Variants in IGSF11 observed in about 807,000 individuals in gnomAD.
IGSF11 encodes immunoglobulin superfamily member 11.
Under a neutral mutation model 41.0 loss-of-function variants are expected in IGSF11, and 22 were observed. That is an observed-to-expected ratio of 0.54 (90% CI 0.38 to 0.77). The LOEUF (loss-of-function observed/expected upper bound fraction) is 0.77. Among genes scored for constraint, IGSF11 ranks in the 30% least tolerant of loss-of-function variants. The pLI is 0.00. For synonymous variants in IGSF11, 219 were observed against 201.3 expected (o/e 1.09, Z -0.74); for missense variants, 444 against 530.8 (o/e 0.84, Z 1.61).
intron 1 of IGSF11, among the ~76,000 whole-genome samples, chr3:119,111,811 A>C (rs1188535734): frequency 6.6e-6 from 1 of 152,162 alleles, no homozygotes; most frequent in Non-Finnish European, 1.5e-5. Flanking sequence ...CTTCTAACAG[A>C]CAGGACCCTC....
chr3:118,939,363 G>A (rs1943509857), intron 1 of IGSF11, among the ~76,000 whole-genome samples: 1 of 152,032 alleles, frequency 6.6e-6, no homozygotes, highest in Admixed American at 6.6e-5. Context: ...ATCACCTGAG[G>A]TCAGGAGTTC....
chr3:119,055,103 C>G (rs1318078617), intron 1 of IGSF11, among the ~76,000 whole-genome samples: 1 of 152,188 alleles, frequency 6.6e-6, no homozygotes, highest in Non-Finnish European at 1.5e-5. Flanking sequence ...TCCAACAGAC[C>G]TGCAGCTGAG....
intron 1 of IGSF11, among the ~76,000 whole-genome samples, chr3:119,111,061 T>A (rs886948535): frequency 1.3e-5 from 2 of 152,058 alleles, no homozygotes; most frequent in Non-Finnish European, 1.5e-5. Flanking sequence ...ATCTGACAAT[T>A]ATGTGTCTTG....
chr3:118,951,293 T>C (rs1030695872), intron 1 of IGSF11, among the ~76,000 whole-genome samples: 3 of 152,212 alleles, frequency 2.0e-5, no homozygotes, highest in Non-Finnish European at 2.9e-5. Flanking sequence ...TGGTGATTCA[T>C]AGACCAAAGC....
At chr3:119,057,616 A>G (rs1941897782) in intron 1 of IGSF11, among the ~76,000 whole-genome samples, 2 of 152,234 alleles carry the variant, frequency 1.3e-5, no homozygotes, top group Admixed American at 1.3e-4. Context: ...GAATTGGAAA[A>G]AACTACTTTA....
At chr3:119,098,283 A>G (rs143205215) in intron 1 of IGSF11, among the ~76,000 whole-genome samples, 2 of 152,236 alleles carry the variant, frequency 1.3e-5, no homozygotes, top group African/African-American at 4.8e-5. Context: ...AAATGGGAAT[A>G]CTAATTCTTT....
intron 1 of IGSF11, among the ~76,000 whole-genome samples, chr3:118,930,961 C>T (rs910201790): frequency 6.6e-6 from 1 of 152,072 alleles, no homozygotes; most frequent in African/African-American, 2.4e-5. Flanking sequence ...TTCACACTAC[C>T]CAATTTTAAA....
At chr3:119,078,272 A>G (rs1190707429) in intron 1 of IGSF11, among the ~76,000 whole-genome samples, 1 of 152,248 alleles carries the variant, frequency 6.6e-6, no homozygotes, top group Non-Finnish European at 1.5e-5. Flanking sequence ...GTACTATACT[A>G]CAAGGATACA....
At chr3:119,093,436 T>G in intron 1 of IGSF11, among the ~76,000 whole-genome samples, 1 of 151,824 alleles carries the variant, frequency 6.6e-6, no homozygotes, top group Non-Finnish European at 1.5e-5. Context: ...ACCGTTAAAC[T>G]TACTCTGGTT....
At chr3:119,055,070 T>C (rs931925342) in intron 1 of IGSF11, among the ~76,000 whole-genome samples, 10 of 152,116 alleles carry the variant, frequency 6.6e-5, no homozygotes, top group African/African-American at 2.4e-4. Context: ...GCAAACAGGG[T>C]CTGGAGTGGA....
chr3:118,981,005 G>A (rs780889360), intron 1 of IGSF11, among the ~76,000 whole-genome samples: 1 of 152,156 alleles, frequency 6.6e-6, no homozygotes, highest in African/African-American at 2.4e-5. Flanking sequence ...TGTGGTATGT[G>A]AGGGAAGCAG....
chr3:118,986,383 T>A (rs1935258690), intron 1 of IGSF11, among the ~76,000 whole-genome samples: 1 of 152,242 alleles, frequency 6.6e-6, no homozygotes, highest in South Asian at 2.1e-4. Context: ...ATGCAATAAA[T>A]GTTCATTGAA....
chr3:119,035,551 C>T (rs1940856807), upstream of IGSF11, among the ~76,000 whole-genome samples: 2 of 152,142 alleles, frequency 1.3e-5, no homozygotes, highest in Non-Finnish European at 2.9e-5. Flanking sequence ...CTTAAACTGA[C>T]CTTAAGTATA....
intron 1 of IGSF11, among the ~76,000 whole-genome samples, chr3:118,989,557 T>C (rs1388515903): frequency 6.6e-6 from 1 of 152,122 alleles, no homozygotes; most frequent in Non-Finnish European, 1.5e-5. Flanking sequence ...GGTTTCACCA[T>C]GTTAGCCAGG....
In IGSF11 at chr3:119,105,205, C is replaced by T. The variant is rs1198844639; in HGVS notation, c.-13G>A. ...CCACCAGAGACATTTATTCTTCTTG[C>T]CTGAGGAAGGTGAGAACAGGGGAAG... On this transcript the variant is annotated 5_prime_UTR_variant, in exon 1 of 7. Transcript: ENST00000354673. 5 of 1,565,682 alleles carry T rather than the reference C, an allele frequency of 3.2e-6. No homozygotes were observed. The African/African-American group carries it at 7.2e-5, about 23-fold the overall frequency.
At chr3:119,120,027 G>A (rs2077311105) in intron 1 of IGSF11, among the ~76,000 whole-genome samples, 1 of 152,170 alleles carries the variant, frequency 6.6e-6, no homozygotes, top group Non-Finnish European at 1.5e-5. Context: ...ACATGCCAAG[G>A]AAAGACCTGG....
chr3:119,014,339 A>G (rs1576645054), intron 1 of IGSF11, among the ~76,000 whole-genome samples: 1 of 152,212 alleles, frequency 6.6e-6, no homozygotes, highest in Non-Finnish European at 1.5e-5. Context: ...TCCAATACAT[A>G]TTTTACTCTA....
At chr3:118,923,115 T>C (rs1264201038) in intron 4 of IGSF11, among the ~76,000 whole-genome samples, 4 of 152,158 alleles carry the variant, frequency 2.6e-5, no homozygotes, top group Admixed American at 2.0e-4. Flanking sequence ...AGAGACTCTA[T>C]CTGTTCCAGG....
intron 1 of IGSF11, among the ~76,000 whole-genome samples, chr3:118,942,469 T>C (rs1326416818): frequency 6.6e-6 from 1 of 152,180 alleles, no homozygotes; most frequent in Admixed American, 6.6e-5. Context: ...TTCTTTCAAG[T>C]TTCTTCTTTC....
Sources: allele counts gnomAD v4.1 joint callset (sites outside exome capture counted in the v4.1 genomes callset), GRCh38; gene constraint gnomAD v4.1.1; transcripts MANE v1.5; gene names NCBI Gene and HGNC (gene_info 2026-07-23, HGNC 2026-07-21).